Variants in ALG14 observed in about 807,000 individuals in gnomAD.
The protein encoded by ALG14 is ALG14 UDP-N-acetylglucosaminyltransferase subunit, also known as UDP-N-acetylglucosamine transferase subunit ALG14.
ALG14 carries 17 observed loss-of-function variants against 22.8 expected under a neutral mutation model. The ratio of observed to expected loss-of-function variants is 0.75; its 90% confidence interval spans 0.51 to 1.12. The LOEUF is 1.12. Among genes scored for constraint, ALG14 ranks in the 50% most tolerant of loss-of-function variants. The pLI, the probability that ALG14 is intolerant of heterozygous loss-of-function variation, is 0.00. For missense variants in ALG14, 288 were observed against 271.8 expected (o/e 1.06, Z -0.42); for synonymous variants, 89 against 103.7 (o/e 0.86, Z 0.86).
chr1:94,988,909 C>A (rs1387338019), intron 3 of ALG14, among the ~76,000 whole-genome samples: 1 of 152,166 alleles, frequency 6.6e-6, no homozygotes, highest in East Asian at 1.9e-4. Flanking sequence ...TTGGTGTATT[C>A]TCTTCTAACT....
chr1:95,044,112 CCT>C (rs1674468559), intron 2 of ALG14, among the ~76,000 whole-genome samples: 1 of 152,128 alleles, frequency 6.6e-6, no homozygotes, highest in African/African-American at 2.4e-5. Flanking sequence ...ATGTTTGATT[CCT>C]CTGTTTTCTG....
chr1:94,994,964 C>T (rs1243897955), intron 3 of ALG14, among the ~76,000 whole-genome samples: 1 of 152,140 alleles, frequency 6.6e-6, no homozygotes, highest in African/African-American at 2.4e-5. Flanking sequence ...GAGTATTCGT[C>T]CTAAACAGGA....
chr1:94,978,401 G>GTAC lies in ALG14; in HGVS notation c.*4674_*4675insGTA, dbSNP rs1672436699. The GTAC allele has an allele frequency of 2.0e-5, 3 of 152,172 alleles. No individual in the cohort carries two copies. Among genetic ancestry groups the GTAC allele is most frequent in the Admixed American group, 6.5e-5 (1 of 15,270 alleles). 9.4% of individuals were successfully genotyped at this position (152,172 alleles called of 1,614,324 possible). A position where few individuals can be genotyped will look rare whatever the true frequency, so the allele number is the denominator to read the frequency against. On this transcript the variant is annotated 3_prime_UTR_variant, in exon 4 of 4. Coordinates refer to ENST00000370205, the MANE Select transcript of ALG14 (RefSeq NM_144988.4). ...TTAATTAGTGCCTATGTTTTGTACA[G>GTAC]AGCTGTGGTGTAAATACTATCAAAA...
intron 3 of ALG14, among the ~76,000 whole-genome samples, chr1:94,986,771 C>CTT (rs35357830): frequency 0.074 from 10,395 of 139,722 alleles, 442 homozygotes; most frequent in Non-Finnish European, 0.099. Flanking sequence ...GCGCCTGGCC[C>CTT]TTTTTTTTTT....
rs563058476 is a variant in ALG14 at position 95,030,267 on chromosome 1, T to C, written c.289-3007A>G. ...ATAAAGACTATAAGCTTCATGCTGA[T>C]TCAAATCAGGTTTTGCCGTTAAATA... On this transcript the variant is annotated intron_variant, in intron 2 of 3. Transcript: ENST00000370205. Among the ~76,000 whole-genome samples the C allele has an allele frequency of 1.0e-3, 157 of 152,296 alleles. 5 individuals are homozygous for C. The South Asian group carries it at 0.03, about 29-fold the overall frequency.
chr1:95,006,320 A>G lies in ALG14; in HGVS notation c.420+20809T>C, dbSNP rs369340218. On this transcript the variant is annotated intron_variant, in intron 3 of 3. Transcript: ENST00000370205. ...TATTAAAATTAGAGCATTTTATTAC[A>G]CTTTTGGAATTATATATAGGTAGGT... 5.3e-5 allele frequency among the ~76,000 whole-genome samples: 8 copies of G among 152,136 alleles called. No homozygotes were observed. The East Asian group carries it at 1.5e-3, about 29-fold the overall frequency.
At chr1:95,034,265 A>T (rs532794739) in intron 2 of ALG14, among the ~76,000 whole-genome samples, 1 of 152,296 alleles carries the variant, frequency 6.6e-6, no homozygotes, top group African/African-American at 2.4e-5. Context: ...TCTTCATAGC[A>T]ATCACCATTA....
chr1:95,014,696 T>C (rs1309328838), intron 3 of ALG14, among the ~76,000 whole-genome samples: 1 of 152,198 alleles, frequency 6.6e-6, no homozygotes, highest in Non-Finnish European at 1.5e-5. Context: ...ATTTACAAAT[T>C]GATTTATAAA....
intron 3 of ALG14, among the ~76,000 whole-genome samples, chr1:94,991,590 C>G (rs1030668459): frequency 1.3e-5 from 2 of 152,136 alleles, no homozygotes; most frequent in Non-Finnish European, 2.9e-5. Flanking sequence ...GGAAGTTGCT[C>G]TAGGTGAGTC....
Position 95,070,316 on chromosome 1 carries a change from C to A in ALG14, c.136+2447G>T, listed in dbSNP as rs149328537. Among the ~76,000 whole-genome samples the A allele has an allele frequency of 6.1e-3, 923 of 152,328 alleles. 37 individuals are homozygous for A. Among genetic ancestry groups the A allele is most frequent in the Admixed American group, 0.056 (854 of 15,298 alleles). ...GACCATTTCCCTTGTATCTCTGGGT[C>A]TTCATTCAGAACACTTTCATATATG... is the stretch of plus-strand genomic sequence containing the variant. On this transcript the variant is annotated intron_variant, in intron 1 of 3. Transcript: ENST00000370205.
At position 95,035,174 on chromosome 1, in the gene ALG14, TTTTTGTTTTG is replaced by T. The variant is rs148790974; in HGVS notation, c.289-7924_289-7915del. ...GGGTTATATGTTCCTAGAAAGGATGTTTTTGTTTTGTTTTGTTTTGTTTTCTCTCTTTCTT... is the reference window on the plus strand; with the variant it reads ...GGGTTATATGTTCCTAGAAAGGATGTTTTTGTTTTGTTTTCTCTCTTTCTT... On this transcript the variant is annotated intron_variant, in intron 2 of 3. Transcript: ENST00000370205. 8.2e-3 allele frequency among the ~76,000 whole-genome samples: 1,254 copies of T among 152,216 alleles called. 9 individuals carry two copies. Among genetic ancestry groups the T allele is most frequent in the African/African-American group, 0.019 (794 of 41,494 alleles).
At chr1:95,060,786 CA>C (rs1675120477) in intron 2 of ALG14, among the ~76,000 whole-genome samples, 1 of 152,018 alleles carries the variant, frequency 6.6e-6, no homozygotes. Flanking sequence ...TAATGTGAAG[CA>C]AACCCAACTT....
chr1:95,007,348 T>C (rs929059024), intron 3 of ALG14, among the ~76,000 whole-genome samples: 8 of 152,244 alleles, frequency 5.3e-5, no homozygotes, highest in African/African-American at 1.9e-4. Flanking sequence ...AAGACATTTT[T>C]CCCTTAACAG....
rs1557960591 is a variant in ALG14 at position 95,027,157 on chromosome 1, G to T, written c.392C>A (p.Pro131His). The change falls in exon 3 of 4, where the codon CCC (proline) becomes CAC (histidine). Residue 131 changes from proline (P) to histidine (H), a missense_variant. By Grantham distance (77) the Pro-to-His change is moderately conservative (BLOSUM62 -2). Coordinates refer to ENST00000370205, the MANE Select transcript of ALG14 (RefSeq NM_144988.4). ...TTLHSMWLSFPLIHRVKPDLV... is the reference protein window; with the variant it reads ...TTLHSMWLSFHLIHRVKPDLV... ...ATCTGGCTTCACCCTGTGAATTAGG[G>T]GAAAGGAGAGCCACATGGAGTGCAA... 1.2e-5 allele frequency: 19 copies of T among 1,614,082 alleles called. No homozygotes were observed. The highest frequency in any genetic ancestry group is 1.6e-5 in the Non-Finnish European group (19 of 1,179,986).
At chr1:95,071,537 T>C (rs1675566800) in intron 1 of ALG14, among the ~76,000 whole-genome samples, 2 of 152,152 alleles carry the variant, frequency 1.3e-5, no homozygotes, top group African/African-American at 2.4e-5. Context: ...CGTGAGACTC[T>C]GTATAAAAAA....
intron 2 of ALG14, among the ~76,000 whole-genome samples, chr1:95,039,423 A>T (rs1360504314): frequency 1.3e-5 from 2 of 152,068 alleles, no homozygotes; most frequent in Non-Finnish European, 2.9e-5. Context: ...CAGCAGCACT[A>T]AGGTAGAGGA....
At chr1:95,047,786 C>T (rs1674609971) in intron 2 of ALG14, among the ~76,000 whole-genome samples, 1 of 152,086 alleles carries the variant, frequency 6.6e-6, no homozygotes. Context: ...TCAAGACCAG[C>T]CTGGGCAACA....
At chr1:95,063,276 T>C (rs1675232601) in intron 2 of ALG14, among the ~76,000 whole-genome samples, 1 of 152,266 alleles carries the variant, frequency 6.6e-6, no homozygotes. Flanking sequence ...TCTTTTGCTG[T>C]GCACAAGCTC....
At chr1:95,000,661 T>G (rs1241651560) in intron 3 of ALG14, among the ~76,000 whole-genome samples, 1 of 151,636 alleles carries the variant, frequency 6.6e-6, no homozygotes. Flanking sequence ...GCTTTCTTTG[T>G]TCAAATTAAT....
Sources: allele counts gnomAD v4.1 joint callset (sites outside exome capture counted in the v4.1 genomes callset), GRCh38; gene constraint gnomAD v4.1.1; transcripts MANE v1.5; gene names NCBI Gene and HGNC (gene_info 2026-07-23, HGNC 2026-07-21).